The following SPOCK1 variants were observed in gnomAD, a reference collection of about 807,000 sequenced individuals.
SPOCK1 encodes SPARC (osteonectin), cwcv and kazal like domains proteoglycan 1.
Under a neutral mutation model 55.3 loss-of-function variants are expected in SPOCK1, and 23 were observed. That is an observed-to-expected ratio of 0.42 (90% CI 0.30 to 0.59). The LOEUF is 0.59. SPOCK1 is among the 20% of genes least tolerant of loss of function. The probability of loss-of-function intolerance (pLI) is 0.22; values close to 1 mark genes in which losing one functional copy is unlikely to be tolerated. For missense variants in SPOCK1, 499 were observed against 552.5 expected, an observed-to-expected ratio of 0.90 and a Z score of 0.97; for synonymous variants, 226 against 221.0, an observed-to-expected ratio of 1.02 and a Z score of -0.20.
chr5:137,033,293 T>G (rs1011601841), intron 6 of SPOCK1, among the ~76,000 whole-genome samples: 1 of 152,230 alleles, frequency 6.6e-6, no homozygotes, highest in Non-Finnish European at 1.5e-5. Flanking sequence ...CAGTAAGGGC[T>G]GAACTCCACA....
At chr5:137,431,456 G>C (rs970374904) in intron 2 of SPOCK1, among the ~76,000 whole-genome samples, 2 of 152,212 alleles carry the variant, frequency 1.3e-5, no homozygotes, top group African/African-American at 4.8e-5. Context: ...TTAGGAATAA[G>C]TGAGATGGTA....
At chr5:137,086,339 G>A (rs1752958993) in intron 5 of SPOCK1, among the ~76,000 whole-genome samples, 1 of 152,206 alleles carries the variant, frequency 6.6e-6, no homozygotes, top group South Asian at 2.1e-4. Context: ...CTAGAAACTG[G>A]ACAAGGACAG....
intron 2 of SPOCK1, among the ~76,000 whole-genome samples, chr5:137,319,478 A>C (rs923217291): frequency 6.6e-6 from 1 of 152,228 alleles, no homozygotes; most frequent in Non-Finnish European, 1.5e-5. Context: ...AATACTTGTA[A>C]ATGGTTTCTT....
chr5:137,055,716 T>C (rs1561592741), intron 6 of SPOCK1, among the ~76,000 whole-genome samples: 1 of 152,184 alleles, frequency 6.6e-6, no homozygotes, highest in African/African-American at 2.4e-5. Context: ...TACACCTCTG[T>C]CATCAAGGCA....
At chr5:137,289,203 T>C in intron 2 of SPOCK1, among the ~76,000 whole-genome samples, 1 of 152,262 alleles carries the variant, frequency 6.6e-6, no homozygotes, top group Non-Finnish European at 1.5e-5. Flanking sequence ...GACTGATGAA[T>C]GCTCATTATA....
intron 2 of SPOCK1, among the ~76,000 whole-genome samples, chr5:137,355,726 C>A (rs949244088): frequency 6.6e-6 from 1 of 152,038 alleles, no homozygotes; most frequent in Non-Finnish European, 1.5e-5. Context: ...TCCACAACAC[C>A]CCCCCACACC....
At chr5:137,297,457 G>A (rs1415964108) in intron 2 of SPOCK1, among the ~76,000 whole-genome samples, 2 of 152,164 alleles carry the variant, frequency 1.3e-5, no homozygotes, top group Non-Finnish European at 2.9e-5. Flanking sequence ...AAAAACTTAA[G>A]GGTAGCTACC....
rs191856446 is a variant in SPOCK1 at position 137,176,455 on chromosome 5, A to G, written c.233-35761T>C. 9.9e-5 allele frequency among the ~76,000 whole-genome samples: 15 copies of G among 152,120 alleles called. No individual in the cohort carries two copies. In the East Asian group the frequency reaches 2.9e-3, roughly 29 times the overall value. On this transcript the variant is annotated intron_variant, in intron 3 of 10. Coordinates refer to ENST00000394945, the MANE Select transcript of SPOCK1 (RefSeq NM_004598.4). ...TTGAGATGTTCTAATGGAGAGACTC[A>G]GGATCCTGACAGGCTTCTAATGCTT...
At chr5:137,082,361 G>C (rs1302578463) in intron 5 of SPOCK1, among the ~76,000 whole-genome samples, 1 of 152,200 alleles carries the variant, frequency 6.6e-6, no homozygotes, top group Non-Finnish European at 1.5e-5. Flanking sequence ...GGAGAGACAT[G>C]TCAGCTACTT....
intron 3 of SPOCK1, among the ~76,000 whole-genome samples, chr5:137,255,294 C>T (rs1756611655): frequency 6.6e-6 from 1 of 152,200 alleles, no homozygotes; most frequent in South Asian, 2.1e-4. Flanking sequence ...GAATACCAGC[C>T]TCGTTTACAC....
intron 2 of SPOCK1, among the ~76,000 whole-genome samples, chr5:137,431,782 C>T (rs1580923620): frequency 1.3e-5 from 2 of 152,320 alleles, no homozygotes; most frequent in East Asian, 1.9e-4. Context: ...TATGATGCAA[C>T]TTAAAAGCTC....
intron 6 of SPOCK1, among the ~76,000 whole-genome samples, chr5:137,039,340 G>A (rs1486769497): frequency 7.3e-6 from 1 of 137,688 alleles, no homozygotes; most frequent in Non-Finnish European, 1.5e-5. Flanking sequence ...CGGAGCCCTA[G>A]GAGAACAGAG....
At chr5:137,100,245 T>C (rs1430587338) in intron 5 of SPOCK1, among the ~76,000 whole-genome samples, 1 of 152,158 alleles carries the variant, frequency 6.6e-6, no homozygotes, top group Non-Finnish European at 1.5e-5. Context: ...GGTTCCTCCT[T>C]TTTTGTAGGG....
intron 3 of SPOCK1, among the ~76,000 whole-genome samples, chr5:137,259,911 A>T (rs1484777020): frequency 6.6e-6 from 1 of 152,162 alleles, no homozygotes; most frequent in Admixed American, 6.5e-5. Context: ...GGCCCATTTA[A>T]TTCCATTGGT....
chr5:136,990,808 A>G (rs768329890), intron 7 of SPOCK1, among the ~76,000 whole-genome samples: 2 of 152,192 alleles, frequency 1.3e-5, no homozygotes, highest in Non-Finnish European at 2.9e-5. Flanking sequence ...AGAAGTGCCA[A>G]TCTGGTTGGG....
intron 3 of SPOCK1, among the ~76,000 whole-genome samples, chr5:137,225,392 C>G (rs189217030): frequency 4.6e-5 from 7 of 152,174 alleles, no homozygotes; most frequent in Non-Finnish European, 1.0e-4. Flanking sequence ...GACTGTCACA[C>G]AGTACCCACA....
At chr5:137,257,523 C>A (rs1241051693) in intron 3 of SPOCK1, among the ~76,000 whole-genome samples, 2 of 152,178 alleles carry the variant, frequency 1.3e-5, no homozygotes, top group African/African-American at 4.8e-5. Flanking sequence ...TATGCTGGCA[C>A]CCTCATCTCC....
At chr5:137,242,517 A>C (rs1417267496) in intron 3 of SPOCK1, among the ~76,000 whole-genome samples, 1 of 152,170 alleles carries the variant, frequency 6.6e-6, no homozygotes, top group East Asian at 1.9e-4. Context: ...TAAATTACCT[A>C]GTCTCAGGCA....
chr5:137,189,903 C>T (rs1020266795), intron 3 of SPOCK1, among the ~76,000 whole-genome samples: 1 of 151,846 alleles, frequency 6.6e-6, no homozygotes, highest in Non-Finnish European at 1.5e-5. Flanking sequence ...GACTCTAATG[C>T]TCATGGGCGA....
Sources: allele counts gnomAD v4.1 joint callset (sites outside exome capture counted in the v4.1 genomes callset), GRCh38; gene constraint gnomAD v4.1.1; transcripts MANE v1.5; gene names NCBI Gene and HGNC (gene_info 2026-07-23, HGNC 2026-07-21).